NF2: variants seen among roughly 807,000 people sequenced by gnomAD.
NF2 encodes the protein merlin.
NF2 carries 8 observed loss-of-function variants against 83.7 expected under a neutral mutation model. The observed-to-expected ratio is 0.10, with a 90% CI of 0.06 to 0.17. The LOEUF (loss-of-function observed/expected upper bound fraction) is 0.17, where lower values mean the gene tolerates loss of function less well. NF2 is among the 10% of genes least tolerant of loss of function. NF2 has a pLI of 1.00. For missense variants in NF2, 533 were observed against 744.4 expected (o/e 0.72, Z 3.31); for synonymous variants, 266 against 269.6 (o/e 0.99, Z 0.13).
chr22:29,685,770 T>C (rs189710150), intron 15 of NF2, among the ~76,000 whole-genome samples: 228 of 152,238 alleles, frequency 1.5e-3, no homozygotes, highest in African/African-American at 5.3e-3. Context: ...CAGAGTCTGC[T>C]GTGTGGTTTC....
At position 29,697,456 on chromosome 22, in the gene NF2, TG is replaced by T. The variant is rs2067584154; in HGVS notation, c.*2656del. On this transcript the variant is annotated 3_prime_UTR_variant, in exon 16 of 16. Transcript: ENST00000338641. ...GGTGCCTCCCCACAGATGGAGAAGGTGGAGAGGAGGATGGGCCTCAGGAGCA... is the reference window on the plus strand; with the variant it reads ...GGTGCCTCCCCACAGATGGAGAAGGTGAGAGGAGGATGGGCCTCAGGAGCA... The T allele has an allele frequency of 5.3e-6, 1 of 188,000 alleles. No individual in the cohort carries two copies. The highest frequency in any genetic ancestry group is 1.1e-5 in the Non-Finnish European group (1 of 89,558). 11.6% of individuals were successfully genotyped at this position (188,000 alleles called of 1,614,324 possible). A position where few individuals can be genotyped will look rare whatever the true frequency, so the allele number is the denominator to read the frequency against.
Position 29,636,917 on chromosome 22 carries a change from G to C in NF2, c.240+41G>C, listed in dbSNP as rs1344412905. The C allele has an allele frequency of 6.2e-7, 1 of 1,613,228 alleles. No homozygotes were observed. The highest frequency in any genetic ancestry group is 8.5e-7 in the Non-Finnish European group (1 of 1,180,024). On this transcript the variant is annotated intron_variant, in intron 2 of 15. Transcript: ENST00000338641. The surrounding 1 kb of genome is among the most constrained non-coding windows in gnomAD (Gnocchi z 4.4). ...GATGAAACTGGTGGGGCTGACGTGAGCTTTCCAGTTTTTCCCTGAGCAGGC... is the reference window on the plus strand; with the variant it reads ...GATGAAACTGGTGGGGCTGACGTGACCTTTCCAGTTTTTCCCTGAGCAGGC...
intron 9 of NF2, among the ~76,000 whole-genome samples, chr22:29,666,392 G>T (rs879669586): frequency 6.6e-6 from 1 of 152,046 alleles, no homozygotes; most frequent in Non-Finnish European, 1.5e-5. Context: ...GCCCACCTTG[G>T]CCTCCCAAAG....
chr22:29,678,363 C>T, intron 14 of NF2, 40 bp downstream of exon 14: 1 of 1,610,010 alleles, frequency 6.2e-7, no homozygotes, highest in African/African-American at 1.3e-5. Flanking sequence ...CAGCTGTGAA[C>T]TAGACTGAGT....
chr22:29,653,613 G>A (rs1440317281), intron 4 of NF2, among the ~76,000 whole-genome samples: 2 of 152,174 alleles, frequency 1.3e-5, no homozygotes, highest in Non-Finnish European at 2.9e-5. Context: ...TAAAGTTAAT[G>A]ATGAATATCT....
intron 1 of NF2, among the ~76,000 whole-genome samples, chr22:29,607,356 G>A (rs1284826066): frequency 6.6e-6 from 1 of 151,768 alleles, no homozygotes; most frequent in Non-Finnish European, 1.5e-5. Flanking sequence ...GCTGGGTGTG[G>A]TCAAGGAGAG....
In NF2 at chr22:29,661,214, G is replaced by T. The variant is rs1028670573; in HGVS notation, c.685G>T (p.Gly229Cys). The T allele has an allele frequency of 8.1e-6, 13 of 1,614,228 alleles. No homozygotes were observed. The highest frequency in any genetic ancestry group is 1.1e-5 in the Non-Finnish European group (13 of 1,180,040). ...VNYFAIRNKK[G>C]TELLLGVDAL... is the part of the protein sequence containing the mutation. ...CTTATTGGATCCACAGAATAAAAAG[G>T]GCACAGAGCTGCTGCTTGGAGTGGA... is the stretch of plus-strand genomic sequence containing the variant. The change falls in exon 8 of 16, where the codon GGC becomes TGC. Residue 229 changes from glycine (G) to cysteine (C), a missense_variant. Coordinates refer to ENST00000338641, the MANE Select transcript of NF2 (RefSeq NM_000268.4).
At chr22:29,662,495 G>T (rs192828415) in intron 8 of NF2, among the ~76,000 whole-genome samples, 1 of 152,326 alleles carries the variant, frequency 6.6e-6, no homozygotes, top group East Asian at 1.9e-4. Context: ...GGGAAACAAA[G>T]ATGTAGAAAA....
chr22:29,694,249 G>T lies in NF2; in HGVS notation c.1738-503G>T, dbSNP rs902691256. Among the ~76,000 whole-genome samples the T allele has an allele frequency of 7.9e-5, 12 of 152,220 alleles. No homozygotes were observed. The highest frequency in any genetic ancestry group is 1.8e-4 in the Non-Finnish European group (12 of 68,036). Reference sequence around the variant, plus strand: ...ACCTGGGAAACCAGGAGTAGAAGGGGTAAACTCTTCCTCATCTGCCACAGG... The same window carrying T: ...ACCTGGGAAACCAGGAGTAGAAGGGTTAAACTCTTCCTCATCTGCCACAGG... On this transcript the variant is annotated intron_variant, in intron 15 of 15. Transcript: ENST00000338641. The surrounding 1 kb of genome is among the most constrained non-coding windows in gnomAD (Gnocchi z 4.1).
At chr22:29,679,222 ACT>A (rs774916343) in intron 14 of NF2, among the ~76,000 whole-genome samples, 1 of 151,418 alleles carries the variant, frequency 6.6e-6, no homozygotes, top group Admixed American at 6.6e-5. Context: ...CACCCATCTG[ACT>A]CTGCAGCCCA....
At chr22:29,641,059 G>C (rs1423051745) in intron 3 of NF2, among the ~76,000 whole-genome samples, 1 of 152,182 alleles carries the variant, frequency 6.6e-6, no homozygotes, top group Non-Finnish European at 1.5e-5. Context: ...CTTGAACCCG[G>C]GAGGTGGAGG....
intron 14 of NF2, among the ~76,000 whole-genome samples, chr22:29,680,353 G>A (rs560691306): frequency 1.3e-5 from 2 of 152,114 alleles, no homozygotes; most frequent in Admixed American, 6.6e-5. Flanking sequence ...CTCATGATCC[G>A]CCCACCTTGG....
chr22:29,617,205 A>C (rs1209707556), intron 1 of NF2, among the ~76,000 whole-genome samples: 1 of 152,222 alleles, frequency 6.6e-6, no homozygotes, highest in African/African-American at 2.4e-5. Flanking sequence ...CTGGGATTAC[A>C]GGTGTGAACC....
intron 1 of NF2, among the ~76,000 whole-genome samples, chr22:29,617,199 G>A (rs762095714): frequency 1.1e-4 from 16 of 152,170 alleles, no homozygotes; most frequent in Non-Finnish European, 1.9e-4. Context: ...AAAGTGCTGG[G>A]ATTACAGGTG....
At chr22:29,671,746 A>T (rs2066794874) in intron 10 of NF2, 80 bp from the exon 11 acceptor site, 1 of 1,602,390 alleles carries the variant, frequency 6.2e-7, no homozygotes, top group East Asian at 2.2e-5. Context: ...GAGACTGGAG[A>T]TGGGGCATCT....
chr22:29,676,387 G>A (rs1303526807), intron 13 of NF2, among the ~76,000 whole-genome samples: 1 of 151,940 alleles, frequency 6.6e-6, no homozygotes, highest in Non-Finnish European at 1.5e-5. Context: ...TGTTGCCACA[G>A]CTGGTCTCAA....
intron 9 of NF2, among the ~76,000 whole-genome samples, chr22:29,667,625 A>T (rs2066662901): frequency 6.6e-6 from 1 of 152,098 alleles, no homozygotes; most frequent in Non-Finnish European, 1.5e-5. Flanking sequence ...GGGCTCAAGG[A>T]TCCTCTCACC....
At chr22:29,661,420 C>T (rs2147013482) in intron 8 of NF2, 81 bp downstream of exon 8, 2 of 1,575,704 alleles carry the variant, frequency 1.3e-6, no homozygotes, top group Non-Finnish European at 1.7e-6. Flanking sequence ...CCAGCCAGGG[C>T]ATCTCCTTGT....
chr22:29,609,437 G>C (rs2064891310), intron 1 of NF2: 1 of 419,722 alleles, frequency 2.4e-6, no homozygotes, highest in Non-Finnish European at 4.6e-6. Context: ...GAAGACCCTA[G>C]ATCTGTGATC....
Sources: gnomAD v4.1 joint callset for allele counts (sites outside exome capture counted in the v4.1 genomes callset) on GRCh38, gnomAD v4.1.1 for gene constraint, Gnocchi (gnomAD v3.1) non-coding constraint, MANE v1.5 for transcripts, NCBI Gene and HGNC (gene_info 2026-07-23, HGNC 2026-07-21) for gene names.